PACSIN1: variants seen among roughly 807,000 people sequenced by gnomAD.
PACSIN1 encodes protein kinase C and casein kinase substrate in neurons protein 1.
In PACSIN1, 15 loss-of-function variants were observed where a neutral mutation model predicts 59.5. That is an observed-to-expected ratio of 0.25 (90% CI 0.17 to 0.39). The LOEUF (loss-of-function observed/expected upper bound fraction) is 0.39, where lower values mean the gene tolerates loss of function less well. Among genes scored for constraint, PACSIN1 ranks in the 10% least tolerant of loss-of-function variants. The pLI, the probability that PACSIN1 is intolerant of heterozygous loss-of-function variation, is 1.00. For missense variants in PACSIN1, 420 were observed against 580.2 expected (o/e 0.72, Z 2.84); for synonymous variants, 210 against 220.6 (o/e 0.95, Z 0.42).
intron 1 of PACSIN1, among the ~76,000 whole-genome samples, chr6:34,486,863 G>A (rs935363652): frequency 3.3e-5 from 5 of 152,074 alleles, no homozygotes; most frequent in African/African-American, 9.7e-5. Context: ...ACTGGGCTGG[G>A]GCCTGTTTTA....
At chr6:34,527,301 G>A (rs2282252) in intron 2 of PACSIN1, 31 bp from the exon 3 acceptor site, 32,342 of 1,495,722 alleles carry the variant, frequency 0.022, 1,154 homozygotes, top group East Asian at 0.12. Flanking sequence ...CTGGGAACCC[G>A]CGGGAGTGGT....
intron 1 of PACSIN1, among the ~76,000 whole-genome samples, chr6:34,495,588 G>T (rs1766935938): frequency 6.6e-6 from 1 of 152,022 alleles, no homozygotes; most frequent in Non-Finnish European, 1.5e-5. Flanking sequence ...GAGTAGCTGG[G>T]ATTACAGGCG....
intron 1 of PACSIN1, among the ~76,000 whole-genome samples, chr6:34,476,110 G>C (rs1423358457): frequency 6.6e-6 from 1 of 152,172 alleles, no homozygotes; most frequent in East Asian, 1.9e-4. Context: ...CTTGTCCCTG[G>C]AGTTGCCAGT....
At position 34,521,833 on chromosome 6, in the gene PACSIN1, C is replaced by T. The variant is rs1356946038; in HGVS notation, c.-63-4410C>T. 6.6e-6 allele frequency among the ~76,000 whole-genome samples: 1 copy of T among 152,182 alleles called. No individual in the cohort carries two copies. The highest frequency in any genetic ancestry group is 1.5e-5 in the Non-Finnish European group (1 of 68,016). ...TTAATCCTTGCAACAGCCCATTTTACAGATGCGGACGCCGAGGCCTGGGAA... is the reference window on the plus strand; with the variant it reads ...TTAATCCTTGCAACAGCCCATTTTATAGATGCGGACGCCGAGGCCTGGGAA... On this transcript the variant is annotated intron_variant, in intron 1 of 9. Transcript: ENST00000244458. This position sits in a 1 kb window ranked among gnomAD's most constrained non-coding sequence, Gnocchi z 4.3.
chr6:34,508,383 G>A (rs1767148502), intron 1 of PACSIN1, among the ~76,000 whole-genome samples: 1 of 152,092 alleles, frequency 6.6e-6, no homozygotes, highest in African/African-American at 2.4e-5. Context: ...GGGATTACAG[G>A]TGTGAGCCAC....
intron 1 of PACSIN1, among the ~76,000 whole-genome samples, chr6:34,492,195 CTT>C (rs55745060): frequency 0.3 from 23,577 of 79,502 alleles, 1,174 homozygotes; most frequent in Middle Eastern, 0.41. Context: ...CTTTTTTGAC[CTT>C]TTTTTTTTTT....
chr6:34,478,759 CAT>C (rs1766676412), intron 1 of PACSIN1, among the ~76,000 whole-genome samples: 1 of 152,154 alleles, frequency 6.6e-6, no homozygotes, highest in Non-Finnish European at 1.5e-5. Flanking sequence ...AAAATATAAA[CAT>C]ATATAAAATA....
At chr6:34,476,360 C>T (rs1195387309) in intron 1 of PACSIN1, among the ~76,000 whole-genome samples, 1 of 152,192 alleles carries the variant, frequency 6.6e-6, no homozygotes. Flanking sequence ...AGCTGGGATT[C>T]GAAAGCATGG....
intron 1 of PACSIN1, among the ~76,000 whole-genome samples, chr6:34,495,638 A>T (rs555394400): frequency 6.6e-6 from 1 of 152,072 alleles, no homozygotes; most frequent in Admixed American, 6.5e-5. Context: ...TTTTTAGTAG[A>T]GACAGGGTTT....
intron 1 of PACSIN1, among the ~76,000 whole-genome samples, chr6:34,472,763 G>A (rs1461200833): frequency 6.6e-6 from 1 of 152,182 alleles, no homozygotes; most frequent in Non-Finnish European, 1.5e-5. Context: ...GTAAGGTAAG[G>A]TAACATCTGG....
intron 1 of PACSIN1, among the ~76,000 whole-genome samples, chr6:34,473,703 T>A (rs1270648355): frequency 1.3e-5 from 2 of 152,182 alleles, no homozygotes; most frequent in African/African-American, 4.8e-5. Context: ...CTGTTTCCTC[T>A]TCTGTCTTTT....
intron 1 of PACSIN1, among the ~76,000 whole-genome samples, chr6:34,520,607 G>A (rs1247757694): frequency 6.6e-6 from 1 of 152,210 alleles, no homozygotes; most frequent in East Asian, 1.9e-4. Flanking sequence ...TGGGCTGTGA[G>A]GTTTGGAGAT....
chr6:34,467,408 C>A (rs1432704227), intron 1 of PACSIN1, among the ~76,000 whole-genome samples: 1 of 152,174 alleles, frequency 6.6e-6, no homozygotes, highest in Non-Finnish European at 1.5e-5. Flanking sequence ...GAATGCATGA[C>A]TTATTGAATG....
intron 1 of PACSIN1, among the ~76,000 whole-genome samples, chr6:34,474,292 C>A (rs1351781440): frequency 6.6e-6 from 1 of 152,086 alleles, no homozygotes; most frequent in East Asian, 1.9e-4. Context: ...CACCCAGAAT[C>A]CACCCACTTC....
In PACSIN1 at chr6:34,515,425, T is replaced by C. The variant is rs547281263; in HGVS notation, c.-63-10818T>C. Reference sequence around the variant, plus strand: ...CCACAGTCTGAAGCTAGACAGGGTATGCGGCAGAGGGCAGGGAGGAGTAAG... The same window carrying C: ...CCACAGTCTGAAGCTAGACAGGGTACGCGGCAGAGGGCAGGGAGGAGTAAG... On this transcript the variant is annotated intron_variant, in intron 1 of 9. Coordinates refer to ENST00000244458, the MANE Select transcript of PACSIN1 (RefSeq NM_020804.5). The surrounding 1 kb of genome is among the most constrained non-coding windows in gnomAD (Gnocchi z 4.4). Among the ~76,000 whole-genome samples the C allele has an allele frequency of 8.5e-4, 129 of 152,278 alleles. No homozygotes were observed. The highest frequency in any genetic ancestry group is 2.9e-3 in the African/African-American group (120 of 41,568).
Position 34,508,137 on chromosome 6 carries a change from C to G in PACSIN1, c.-63-18106C>G, listed in dbSNP as rs570489802. 2.2e-4 allele frequency among the ~76,000 whole-genome samples: 32 copies of G among 146,726 alleles called. No individual in the cohort carries two copies. The South Asian group carries it at 6.3e-3, about 29-fold the overall frequency. ...TGTTTGTTTGAGACGGAGTTTCGCT[C>G]TTGTTGCCCCAGCTGGAGTCCAATG... On this transcript the variant is annotated intron_variant, in intron 1 of 9. Coordinates refer to ENST00000244458, the MANE Select transcript of PACSIN1 (RefSeq NM_020804.5).
intron 1 of PACSIN1, among the ~76,000 whole-genome samples, chr6:34,486,584 AAG>A (rs1310902612): frequency 1.3e-5 from 2 of 152,086 alleles, no homozygotes; most frequent in Non-Finnish European, 2.9e-5. Flanking sequence ...AGACAGCAAA[AAG>A]GTGACGTTGC....
intron 1 of PACSIN1, among the ~76,000 whole-genome samples, chr6:34,491,412 T>G (rs1376326778): frequency 6.6e-6 from 1 of 152,034 alleles, no homozygotes; most frequent in East Asian, 1.9e-4. Context: ...CTAGCACCAG[T>G]GACAGTGGGC....
At chr6:34,523,670 G>A (rs1236366374) in intron 1 of PACSIN1, among the ~76,000 whole-genome samples, 1 of 152,210 alleles carries the variant, frequency 6.6e-6, no homozygotes, top group Non-Finnish European at 1.5e-5. Context: ...TTCTGATGGT[G>A]AGAGATGCAG....
Sources: gnomAD v4.1 joint callset for allele counts (sites outside exome capture counted in the v4.1 genomes callset) on GRCh38, gnomAD v4.1.1 for gene constraint, Gnocchi (gnomAD v3.1) non-coding constraint, MANE v1.5 for transcripts, NCBI Gene and HGNC (gene_info 2026-07-23, HGNC 2026-07-21) for gene names.